HECW1: variants seen among roughly 807,000 people sequenced by gnomAD.
The protein encoded by HECW1 is E3 ubiquitin-protein ligase HECW1.
Under a neutral mutation model 182.3 loss-of-function variants are expected in HECW1, and 61 were observed. That is an observed-to-expected ratio of 0.33 (90% CI 0.27 to 0.41). The LOEUF is 0.41. HECW1 is among the 10% of genes least tolerant of loss of function. The pLI, the probability that HECW1 is intolerant of heterozygous loss-of-function variation, is 1.00. For synonymous variants in HECW1, 859 were observed against 832.6 expected (o/e 1.03, Z -0.55); for missense variants, 1,739 against 2,108.9 (o/e 0.82, Z 3.44).
chr7:43,191,948 TA>T (rs1320799988), intron 2 of HECW1, among the ~76,000 whole-genome samples: 1 of 150,092 alleles, frequency 6.7e-6, no homozygotes, highest in Non-Finnish European at 1.5e-5. Flanking sequence ...AAATAAGACC[TA>T]GTTGTTGTTT....
intron 3 of HECW1, among the ~76,000 whole-genome samples, chr7:43,303,832 A>T (rs1356099829): frequency 6.6e-6 from 1 of 152,018 alleles, no homozygotes; most frequent in Non-Finnish European, 1.5e-5. Context: ...GAGAGCCCCT[A>T]CACCCGCCCC....
At chr7:43,373,158 C>CT (rs1201737062) in intron 6 of HECW1, among the ~76,000 whole-genome samples, 1 of 150,222 alleles carries the variant, frequency 6.7e-6, no homozygotes, top group Non-Finnish European at 1.5e-5. Flanking sequence ...ACAGTGAGCT[C>CT]TGTGGTGCTG....
chr7:43,283,835 A>G (rs933346071), intron 3 of HECW1, among the ~76,000 whole-genome samples: 3 of 152,202 alleles, frequency 2.0e-5, no homozygotes, highest in African/African-American at 4.8e-5. Context: ...TATTTCCTCC[A>G]TGTTTTCTGA....
chr7:43,192,328 G>A (rs1158744782), intron 2 of HECW1, among the ~76,000 whole-genome samples: 2 of 152,296 alleles, frequency 1.3e-5, no homozygotes, highest in South Asian at 2.1e-4. Context: ...AAAATAGCTA[G>A]TAGAGAATAA....
chr7:43,148,965 G>A (rs1483045335), intron 2 of HECW1: 3 of 151,594 alleles, frequency 2.0e-5, no homozygotes, highest in Non-Finnish European at 4.4e-5. Flanking sequence ...AAAAATGTAG[G>A]GACAGTTCTT....
At chr7:43,235,659 T>C (rs1798261856) in intron 2 of HECW1, among the ~76,000 whole-genome samples, 1 of 152,188 alleles carries the variant, frequency 6.6e-6, no homozygotes, top group Non-Finnish European at 1.5e-5. Flanking sequence ...CCATAGTCAT[T>C]TGTTAGTTTA....
chr7:43,289,106 C>CTTT (rs61444685), intron 3 of HECW1, among the ~76,000 whole-genome samples: 3 of 141,572 alleles, frequency 2.1e-5, no homozygotes, highest in East Asian at 2.1e-4. Flanking sequence ...TTTCTCTTTT[C>CTTT]TTTTTTTTTT....
chr7:43,328,144 C>T (rs2152787785), intron 5 of HECW1, among the ~76,000 whole-genome samples: 1 of 151,840 alleles, frequency 6.6e-6, no homozygotes, highest in Non-Finnish European at 1.5e-5. Flanking sequence ...AAAGTGAGAC[C>T]TCCATCTCTA....
intron 2 of HECW1, among the ~76,000 whole-genome samples, chr7:43,208,522 G>A (rs1223570819): frequency 6.6e-6 from 1 of 152,226 alleles, no homozygotes; most frequent in Non-Finnish European, 1.5e-5. Context: ...CCCAGGGTCT[G>A]GGCCTGGCAG....
chr7:43,156,917 C>T (rs1789941266), intron 2 of HECW1, among the ~76,000 whole-genome samples: 1 of 152,186 alleles, frequency 6.6e-6, no homozygotes, highest in Non-Finnish European at 1.5e-5. Flanking sequence ...CTTCCCTACC[C>T]ACCCAGATTA....
intron 2 of HECW1, among the ~76,000 whole-genome samples, chr7:43,218,841 G>T (rs992477847): frequency 6.6e-6 from 1 of 152,072 alleles, no homozygotes; most frequent in Non-Finnish European, 1.5e-5. Context: ...AAAATGACAC[G>T]GACACACGTG....
At chr7:43,531,768 C>T (rs75629356) in intron 24 of HECW1, among the ~76,000 whole-genome samples, 6,512 of 152,262 alleles carry the variant, frequency 0.043, 446 homozygotes, top group African/African-American at 0.15. Flanking sequence ...GCACCATGCG[C>T]TCCACATCCC....
At chr7:43,410,697 T>C (rs1204320505) in intron 8 of HECW1, among the ~76,000 whole-genome samples, 1 of 152,214 alleles carries the variant, frequency 6.6e-6, no homozygotes, top group Non-Finnish European at 1.5e-5. Flanking sequence ...ATTTAGTCTT[T>C]TAAATAAAAA....
chr7:43,294,711 A>G (rs1805821239), intron 3 of HECW1, among the ~76,000 whole-genome samples: 1 of 152,140 alleles, frequency 6.6e-6, no homozygotes, highest in Non-Finnish European at 1.5e-5. Flanking sequence ...GGTGGAAGAG[A>G]GTTTAAGCCC....
At chr7:43,551,414 G>C (rs941157472) in intron 27 of HECW1, among the ~76,000 whole-genome samples, 1 of 149,650 alleles carries the variant, frequency 6.7e-6, no homozygotes, top group African/African-American at 2.4e-5. Flanking sequence ...GTCATGGTTT[G>C]AGAAGGGATG....
chr7:43,547,345 G>A (rs529185853), intron 26 of HECW1, among the ~76,000 whole-genome samples: 3 of 151,968 alleles, frequency 2.0e-5, no homozygotes, highest in East Asian at 1.9e-4. Flanking sequence ...TCAAGAGATC[G>A]AGACCATCCT....
At chr7:43,233,641 G>A (rs895240886) in intron 2 of HECW1, among the ~76,000 whole-genome samples, 5 of 152,252 alleles carry the variant, frequency 3.3e-5, no homozygotes, top group East Asian at 1.9e-4. Context: ...AATAGGGATC[G>A]GTATATCTGA....
chr7:43,442,632 A>AT lies in HECW1; in HGVS notation c.1045+7dup, dbSNP rs1365756831. The AT allele has an allele frequency of 1.3e-6, 2 of 1,595,780 alleles. No homozygotes were observed. Among genetic ancestry groups the AT allele is most frequent in the East Asian group, 4.5e-5 (2 of 44,802 alleles). ...GATCACTTCCTCCATCCACCCAGGT[A>AT]TTTTCAGCATGAACTTCATGTCTTG... is the stretch of plus-strand genomic sequence containing the variant. On this transcript the variant is annotated splice_donor_region_variant and intron_variant, in intron 10 of 29. Transcript: ENST00000395891.
intron 2 of HECW1, among the ~76,000 whole-genome samples, chr7:43,210,722 C>T (rs1373708114): frequency 1.3e-5 from 2 of 152,120 alleles, no homozygotes; most frequent in Admixed American, 1.3e-4. Context: ...CTTAGCCAAG[C>T]AGGAACAATG....
Sources: allele counts gnomAD v4.1 joint callset (sites outside exome capture counted in the v4.1 genomes callset), GRCh38; gene constraint gnomAD v4.1.1; transcripts MANE v1.5; gene names NCBI Gene and HGNC (gene_info 2026-07-23, HGNC 2026-07-21).